The following ST3GAL1 variants were observed in gnomAD, a reference collection of about 807,000 sequenced individuals.
ST3GAL1 encodes the protein ST3 beta-galactoside alpha-2,3-sialyltransferase 1.
ST3GAL1 carries 16 observed loss-of-function variants against 34.1 expected under a neutral mutation model. The ratio of observed to expected loss-of-function variants is 0.47; its 90% CI spans 0.32 to 0.71. The LOEUF (loss-of-function observed/expected upper bound fraction) is 0.71. Among genes scored for constraint, ST3GAL1 ranks in the 30% least tolerant of loss-of-function variants. ST3GAL1 has a pLI of 0.04. For missense variants in ST3GAL1, 353 were observed against 447.4 expected, an observed-to-expected ratio of 0.79 and a Z score of 1.90; for synonymous variants, 191 against 184.7, an observed-to-expected ratio of 1.03 and a Z score of -0.28.
At chr8:133,488,735 G>A (rs1316455992) in intron 3 of ST3GAL1, among the ~76,000 whole-genome samples, 1 of 152,230 alleles carries the variant, frequency 6.6e-6, no homozygotes, top group East Asian at 1.9e-4. Context: ...CAGGTGATTG[G>A]GCAGGGAGTG....
rs1209540597 is a variant in ST3GAL1 at position 133,541,147 on chromosome 8, A to AGAGAGAGAGAGAGAGAGAGAGAGG, written c.-429+4626_-429+4627insCCTCTCTCTCTCTCTCTCTCTCTC. ...GAGAGAGAGAGAGAGAGAGAGAGAGAGAGAGACTGTGTGTCTCTCCCTCTT... is the reference window on the plus strand; with the variant it reads ...GAGAGAGAGAGAGAGAGAGAGAGAGAGAGAGAGAGAGAGAGAGAGAGAGGGAGAGACTGTGTGTCTCTCCCTCTT... On this transcript the variant is annotated intron_variant, in intron 2 of 9. Coordinates refer to ENST00000522652, the MANE Select transcript of ST3GAL1 (RefSeq NM_173344.3). Among the ~76,000 whole-genome samples the AGAGAGAGAGAGAGAGAGAGAGAGG allele has an allele frequency of 6.6e-4, 83 of 125,418 alleles. 5 individuals are homozygous for AGAGAGAGAGAGAGAGAGAGAGAGG. The highest frequency in any genetic ancestry group is 2.7e-3 in the African/African-American group (68 of 25,470). The allele number at this position is 125,418 out of a possible 152,430, so 82.3% of individuals were successfully genotyped here.
rs112708766 is a variant in ST3GAL1 at position 133,535,525 on chromosome 8, A to ATTTTTTTTTTTTTTTT, written c.-429+10248_-429+10249insAAAAAAAAAAAAAAAA. Among the ~76,000 whole-genome samples the ATTTTTTTTTTTTTTTT allele has an allele frequency of 6.8e-4, 98 of 145,000 alleles. 2 individuals are homozygous for ATTTTTTTTTTTTTTTT. The highest frequency in any genetic ancestry group is 2.6e-3 in the African/African-American group (96 of 36,742). ...TTTTTTAGCAAGAAAGTATTTTTTA[A>ATTTTTTTTTTTTTTTT]TTTTTTTTTTTAGAAACAAGGTCTC... On this transcript the variant is annotated intron_variant, in intron 2 of 9. Coordinates refer to ENST00000522652, the MANE Select transcript of ST3GAL1 (RefSeq NM_173344.3).
At chr8:133,478,412 C>T (rs1409176636) in intron 3 of ST3GAL1, among the ~76,000 whole-genome samples, 4 of 152,182 alleles carry the variant, frequency 2.6e-5, no homozygotes, top group East Asian at 1.9e-4. Flanking sequence ...ATTTTGCTAG[C>T]GTGTGTAGAA....
intron 3 of ST3GAL1, among the ~76,000 whole-genome samples, chr8:133,497,502 G>T (rs528255951): frequency 5.5e-4 from 58 of 105,202 alleles, no homozygotes; most frequent in African/African-American, 2.2e-3. Flanking sequence ...ACGGAGTCTC[G>T]CTCTTTTGCC....
At chr8:133,504,469 C>T (rs1817275888) in intron 2 of ST3GAL1, among the ~76,000 whole-genome samples, 1 of 152,206 alleles carries the variant, frequency 6.6e-6, no homozygotes, top group Admixed American at 6.5e-5. Flanking sequence ...AGCCCATTCA[C>T]CCACTGCCTG....
At chr8:133,538,223 C>T (rs755795017) in intron 2 of ST3GAL1, among the ~76,000 whole-genome samples, 8 of 152,234 alleles carry the variant, frequency 5.3e-5, no homozygotes, top group Non-Finnish European at 1.0e-4. Flanking sequence ...TGAATTAAAA[C>T]CTACTGAATG....
At chr8:133,557,297 A>G (rs1002621168) in intron 1 of ST3GAL1, among the ~76,000 whole-genome samples, 1 of 152,188 alleles carries the variant, frequency 6.6e-6, no homozygotes, top group African/African-American at 2.4e-5. Flanking sequence ...CATCCAGTCA[A>G]CCAACGCGTG....
intron 2 of ST3GAL1, among the ~76,000 whole-genome samples, chr8:133,523,363 A>G (rs1817868170): frequency 6.6e-6 from 1 of 152,036 alleles, no homozygotes; most frequent in Non-Finnish European, 1.5e-5. Context: ...CCTTAGAAGC[A>G]GTACAGAGAT....
At position 133,510,606 on chromosome 8, in the gene ST3GAL1, CATTA is replaced by C. The variant is rs1289405434; in HGVS notation, c.-428-11421_-428-11418del. ...AGTTTAAAATGCAGTTTTTCAATTG[CATTA>C]ATTAACTAATTAGTGCCACTAATTA... On this transcript the variant is annotated intron_variant, in intron 2 of 9. Transcript: ENST00000522652. Among the ~76,000 whole-genome samples the C allele has an allele frequency of 3.9e-5, 6 of 152,152 alleles. No homozygotes were observed. In the South Asian group the frequency reaches 6.2e-4, roughly 16 times the overall value.
At chr8:133,540,746 CATAT>C (rs57077992) in intron 2 of ST3GAL1, among the ~76,000 whole-genome samples, 7 of 49,262 alleles carry the variant, frequency 1.4e-4, no homozygotes, top group African/African-American at 3.3e-4. Flanking sequence ...TATATATAGA[CATAT>C]ATATATATAT....
chr8:133,463,579 TA>T, intron 7 of ST3GAL1, 120 bp from the exon 8 acceptor site: 3 of 1,085,454 alleles, frequency 2.8e-6, no homozygotes, highest in Non-Finnish European at 4.1e-6. Context: ...CTGCCCCCCA[TA>T]GCTTCCCTCA....
intron 2 of ST3GAL1, among the ~76,000 whole-genome samples, chr8:133,541,069 ACATATATATAG>A: frequency 3.6e-5 from 2 of 55,170 alleles, no homozygotes; most frequent in African/African-American, 1.2e-4. Context: ...ATATATATAG[ACATATATATAG>A]ACATATATAT....
chr8:133,522,440 G>A (rs1480134815), intron 2 of ST3GAL1, among the ~76,000 whole-genome samples: 2 of 152,096 alleles, frequency 1.3e-5, no homozygotes, highest in Non-Finnish European at 2.9e-5. Flanking sequence ...GAAATGTGTT[G>A]CAATTCCAAG....
In ST3GAL1 at chr8:133,501,261, AC is replaced by A. The variant is rs57372819; in HGVS notation, c.-428-2073del. ...TGGGTGGCTACTCAAGAGCAGGAAA[AC>A]ACTCAGGCTCCTAGTCATAACCAGA... On this transcript the variant is annotated intron_variant, in intron 2 of 9. Transcript: ENST00000522652. Among the ~76,000 whole-genome samples, 9 of 152,186 alleles carry A rather than the reference AC, an allele frequency of 5.9e-5. No homozygotes were observed. In the East Asian group the frequency reaches 1.7e-3, roughly 29 times the overall value.
chr8:133,532,959 A>G (rs1240837269), intron 2 of ST3GAL1, among the ~76,000 whole-genome samples: 10 of 152,210 alleles, frequency 6.6e-5, no homozygotes, highest in Admixed American at 6.5e-4. Context: ...CATTCGTTGA[A>G]ACCACTAAGG....
intron 2 of ST3GAL1, among the ~76,000 whole-genome samples, chr8:133,537,622 C>T (rs1818346578): frequency 6.6e-6 from 1 of 152,186 alleles, no homozygotes; most frequent in South Asian, 2.1e-4. Flanking sequence ...AGGAGGGGTG[C>T]CAGGCTTGCA....
chr8:133,530,664 TGA>T (rs1818125933), intron 2 of ST3GAL1, among the ~76,000 whole-genome samples: 1 of 152,190 alleles, frequency 6.6e-6, no homozygotes. Flanking sequence ...CTTGAACCTA[TGA>T]GAGTTTTCAA....
intron 2 of ST3GAL1, among the ~76,000 whole-genome samples, chr8:133,509,101 G>A (rs1441356392): frequency 1.1e-4 from 16 of 152,180 alleles, no homozygotes. Context: ...AGTTTAAAAT[G>A]CAGTTCCTCA....
chr8:133,494,890 G>A (rs1405849253), intron 3 of ST3GAL1, among the ~76,000 whole-genome samples: 2 of 150,802 alleles, frequency 1.3e-5, no homozygotes, highest in Admixed American at 6.6e-5. Context: ...GATGTGTATC[G>A]GCCTCTGCGT....
Sources: allele counts gnomAD v4.1 joint callset (sites outside exome capture counted in the v4.1 genomes callset), GRCh38; gene constraint gnomAD v4.1.1; transcripts MANE v1.5; gene names NCBI Gene and HGNC (gene_info 2026-07-23, HGNC 2026-07-21).